Variants in NOL4 observed in about 807,000 individuals in gnomAD.
NOL4 encodes the protein nucleolar protein 4, also known as cancer/testis antigen 125.
NOL4 carries 17 observed loss-of-function variants against 75.9 expected under a neutral mutation model. That is an observed-to-expected ratio of 0.22 (90% confidence interval 0.15 to 0.34). The LOEUF is 0.34. NOL4 is among the 10% of genes least tolerant of loss of function. The probability of loss-of-function intolerance (pLI) is 1.00; values close to 1 mark genes in which losing one functional copy is unlikely to be tolerated. For synonymous variants in NOL4, 292 were observed against 289.9 expected (o/e 1.01, Z -0.07); for missense variants, 614 against 793.5 (o/e 0.77, Z 2.72).
At chr18:33,995,912 G>T (rs1355230855) in intron 6 of NOL4, among the ~76,000 whole-genome samples, 2 of 151,826 alleles carry the variant, frequency 1.3e-5, no homozygotes, top group African/African-American at 4.8e-5. Context: ...TTGTTGGGTG[G>T]AGTAGTCTAT....
intron 1 of NOL4, among the ~76,000 whole-genome samples, chr18:34,169,703 G>T (rs753995425): frequency 5.9e-5 from 9 of 151,974 alleles, no homozygotes; most frequent in Non-Finnish European, 1.2e-4. Flanking sequence ...ATACAAGGTT[G>T]GTTTAACATT....
At chr18:33,884,847 T>C (rs1483964399) in intron 9 of NOL4, among the ~76,000 whole-genome samples, 1 of 152,272 alleles carries the variant, frequency 6.6e-6, no homozygotes, top group Admixed American at 6.5e-5. Flanking sequence ...TTGAGAATAC[T>C]ATGACCATCT....
chr18:34,152,337 C>T (rs2081680584), intron 1 of NOL4, among the ~76,000 whole-genome samples: 1 of 151,792 alleles, frequency 6.6e-6, no homozygotes, highest in South Asian at 2.1e-4. Context: ...TGTCCACATG[C>T]AGTGAATGAA....
At chr18:33,964,498 A>G (rs770058877) in intron 6 of NOL4, among the ~76,000 whole-genome samples, 11 of 151,852 alleles carry the variant, frequency 7.2e-5, no homozygotes, top group Non-Finnish European at 1.5e-4. Flanking sequence ...AGGACAGAAA[A>G]GAAAGAAAAG....
Position 33,851,937 on chromosome 18 carries a change from T to C in NOL4, c.*905A>G, listed in dbSNP as rs2062646561. 6.6e-6 allele frequency: 1 copy of C among 152,454 alleles called. No individual in the cohort carries two copies. The highest frequency in any genetic ancestry group is 1.5e-5 in the Non-Finnish European group (1 of 68,006). 9.4% of individuals were successfully genotyped at this position (152,454 alleles called of 1,614,324 possible). Reference sequence around the variant, plus strand: ...CATTCAGTCATCTACATCCAGGTGCTGCTAGAGGGATGCCTGGAGACAGCA... The same window carrying C: ...CATTCAGTCATCTACATCCAGGTGCCGCTAGAGGGATGCCTGGAGACAGCA... On this transcript the variant is annotated 3_prime_UTR_variant, in exon 11 of 11. Transcript: ENST00000261592.
chr18:34,087,152 T>G, intron 5 of NOL4, among the ~76,000 whole-genome samples: 1 of 152,090 alleles, frequency 6.6e-6, no homozygotes, highest in East Asian at 1.9e-4. Context: ...CCCACACAAT[T>G]GTCTTAGTCA....
intron 9 of NOL4, among the ~76,000 whole-genome samples, chr18:33,884,503 T>C (rs1204864361): frequency 6.6e-6 from 1 of 152,132 alleles, no homozygotes; most frequent in African/African-American, 2.4e-5. Context: ...TGCAATAAAC[T>C]GTATATATTT....
chr18:34,061,032 C>T (rs1826086837), intron 5 of NOL4, among the ~76,000 whole-genome samples: 1 of 152,130 alleles, frequency 6.6e-6, no homozygotes, highest in African/African-American at 2.4e-5. Flanking sequence ...TTCAAAATTA[C>T]TTAGAGAAAT....
intron 10 of NOL4, among the ~76,000 whole-genome samples, chr18:33,868,057 T>TGA (rs895218203): frequency 1.3e-5 from 2 of 149,316 alleles, no homozygotes; most frequent in East Asian, 1.9e-4. Context: ...TTTTTTTTTT[T>TGA]GAGAGAGTCT....
intron 1 of NOL4, among the ~76,000 whole-genome samples, chr18:34,187,891 C>G (rs753502188): frequency 2.0e-5 from 3 of 152,116 alleles, no homozygotes; most frequent in African/African-American, 7.2e-5. Flanking sequence ...ATTTAAAAAA[C>G]CATGAAACTG....
At chr18:34,133,979 C>T (rs930682624) in intron 1 of NOL4, among the ~76,000 whole-genome samples, 4 of 152,206 alleles carry the variant, frequency 2.6e-5, no homozygotes, top group East Asian at 3.9e-4. Context: ...GCTGAGATCA[C>T]GCCACTGCAC....
At chr18:34,071,438 G>GACACACACACACACACAC (rs61428886) in intron 5 of NOL4, among the ~76,000 whole-genome samples, 29 of 147,796 alleles carry the variant, frequency 2.0e-4, no homozygotes, top group African/African-American at 5.7e-4. Context: ...CAGACAGACA[G>GACACACACACACACACAC]ACACACACAC....
intron 2 of NOL4, among the ~76,000 whole-genome samples, chr18:34,118,415 G>C (rs990516845): frequency 1.3e-5 from 2 of 151,978 alleles, no homozygotes; most frequent in Admixed American, 1.3e-4. Context: ...ACTAAATTAA[G>C]ATATAGAAAA....
intron 5 of NOL4, among the ~76,000 whole-genome samples, chr18:34,024,661 G>T (rs886473199): frequency 5.3e-5 from 8 of 152,072 alleles, no homozygotes; most frequent in Non-Finnish European, 7.4e-5. Context: ...CACAAAGCAG[G>T]TAATGTAGGC....
intron 4 of NOL4, among the ~76,000 whole-genome samples, chr18:34,096,228 CCAT>C (rs2078772902): frequency 6.6e-6 from 1 of 151,862 alleles, no homozygotes; most frequent in African/African-American, 2.4e-5. Flanking sequence ...AAATTATTTA[CCAT>C]CATAAGTGGC....
rs76265382 is a variant in NOL4, at chr18:34,159,329, G to A, written c.265-29309C>T. Among the ~76,000 whole-genome samples, 1,167 of 152,288 alleles carry A rather than the reference G, an allele frequency of 7.7e-3. 15 individuals carry two copies. The highest frequency in any genetic ancestry group is 0.026 in the African/African-American group (1,073 of 41,562). On this transcript the variant is annotated intron_variant, in intron 1 of 10. Transcript: ENST00000261592. ...GCAACGGCCGGAGGAGGAAGGCCAA[G>A]GCTTTTCTCCCGCTGACGTCCCCCG...
At chr18:34,172,564 T>C (rs546635809) in intron 1 of NOL4, among the ~76,000 whole-genome samples, 8 of 152,262 alleles carry the variant, frequency 5.3e-5, no homozygotes, top group African/African-American at 1.7e-4. Context: ...TGCTGCACTA[T>C]ATGGTAGTTC....
chr18:33,883,040 A>T (rs2064394006), intron 10 of NOL4, among the ~76,000 whole-genome samples: 1 of 151,334 alleles, frequency 6.6e-6, no homozygotes, highest in Admixed American at 6.6e-5. Flanking sequence ...GGAATATCAC[A>T]CTCTGGGGAC....
At chr18:33,888,475 A>C (rs1049941295) in intron 9 of NOL4, among the ~76,000 whole-genome samples, 1 of 152,100 alleles carries the variant, frequency 6.6e-6, no homozygotes, top group East Asian at 1.9e-4. Context: ...TTGGTATTTT[A>C]GACATGAAGT....
Sources: allele counts gnomAD v4.1 joint callset (sites outside exome capture counted in the v4.1 genomes callset), GRCh38; gene constraint gnomAD v4.1.1; transcripts MANE v1.5; gene names NCBI Gene and HGNC (gene_info 2026-07-23, HGNC 2026-07-21).